PRPF18: variants seen among roughly 807,000 people sequenced by gnomAD.
PRPF18 encodes pre-mRNA processing factor 18.
PRPF18 carries 38 observed loss-of-function variants against 46.5 expected under a neutral mutation model. The observed-to-expected ratio is 0.82, with a 90% CI of 0.63 to 1.07. The LOEUF is 1.07. Among genes scored for constraint, PRPF18 ranks in the 50% least tolerant of loss-of-function variants. The pLI is 0.00. For synonymous variants in PRPF18, 152 were observed against 146.7 expected (o/e 1.04, Z -0.26); for missense variants, 263 against 410.0 (o/e 0.64, Z 3.10).
intron 9 of PRPF18, among the ~76,000 whole-genome samples, chr10:13,618,132 A>G (rs888459775): frequency 1.3e-5 from 2 of 152,196 alleles, no homozygotes; most frequent in African/African-American, 4.8e-5. Context: ...GGATGGGTTT[A>G]TCAGGTTTGC....
At chr10:13,654,738 C>G in the PRPF18 span, 2 of 568,020 alleles carry the variant, frequency 3.5e-6, no homozygotes, top group Non-Finnish European at 6.2e-6. Context: ...ATTCCATTTT[C>G]TACCCACTAC....
chr10:13,598,583 A>T (rs1050902123), intron 2 of PRPF18, among the ~76,000 whole-genome samples: 28 of 152,346 alleles, frequency 1.8e-4, no homozygotes, highest in East Asian at 3.9e-4. Context: ...AAAAAATTTT[A>T]AAATGTAATT....
chr10:13,596,993 G>C (rs1272439757), intron 1 of PRPF18, among the ~76,000 whole-genome samples: 2 of 152,104 alleles, frequency 1.3e-5, no homozygotes, highest in East Asian at 3.8e-4. Flanking sequence ...CAGGTAACAA[G>C]AAAGAACTTA....
chr10:13,587,338 A>G, intron 1 of PRPF18, 186 bp downstream of exon 1: 1 of 652,086 alleles, frequency 1.5e-6, no homozygotes. Context: ...AGGCTGGAGA[A>G]TAGGGTCTGA....
intron 3 of PRPF18, among the ~76,000 whole-genome samples, chr10:13,603,371 T>C (rs1388125722): frequency 6.6e-6 from 1 of 152,190 alleles, no homozygotes; most frequent in African/African-American, 2.4e-5. Flanking sequence ...ATTCTTGCAC[T>C]AAAAGAAATT....
intron 5 of PRPF18, among the ~76,000 whole-genome samples, chr10:13,611,326 T>C (rs545080293): frequency 2.0e-5 from 3 of 152,178 alleles, no homozygotes; most frequent in African/African-American, 4.8e-5. Flanking sequence ...CACATGGTGG[T>C]GCAACCATTA....
At position 13,605,857 on chromosome 10, in the gene PRPF18, T is replaced by C; in HGVS notation, c.363+113T>C. On this transcript the variant is annotated intron_variant, in intron 4 of 9. Transcript: ENST00000378572. ...ATGGAAAAGTAAAGTGAGCAGATTATTGCTGCTGAATGGAAGTTTTCATTA... is the reference window on the plus strand; with the variant it reads ...ATGGAAAAGTAAAGTGAGCAGATTACTGCTGCTGAATGGAAGTTTTCATTA... 2.2e-6 allele frequency: 3 copies of C among 1,346,522 alleles called. No homozygotes were observed. In the South Asian group the frequency reaches 6.1e-5, roughly 27 times the overall value. The allele number at this position is 1,346,522 out of a possible 1,614,324, so 83.4% of individuals were successfully genotyped here.
chr10:13,631,944 C>T (rs1205574283), downstream of PRPF18: 1 of 152,388 alleles, frequency 6.6e-6, no homozygotes, highest in African/African-American at 2.4e-5. Context: ...AGGATCGTTT[C>T]TGATGGTTAT....
intron 9 of PRPF18, among the ~76,000 whole-genome samples, chr10:13,621,772 G>T (rs2133928147): frequency 6.6e-6 from 1 of 152,218 alleles, no homozygotes; most frequent in East Asian, 1.9e-4. Context: ...TATTACAAAA[G>T]GTAAATATCC....
At position 13,592,178 on chromosome 10, in the gene PRPF18, G is replaced by A. The variant is rs893496832; in HGVS notation, c.66+5026G>A. The stretch of plus-strand genomic sequence containing the variant: ...AATACCTGCCAATTCCTCTGACAAG[G>A]ACAGGGTTGTGCTGCAATGGGGCTT... On this transcript the variant is annotated intron_variant, in intron 1 of 9. Transcript: ENST00000378572. 2.4e-5 allele frequency: 15 copies of A among 622,928 alleles called. No individual in the cohort carries two copies. The Admixed American group carries it at 2.7e-4, about 11-fold the overall frequency. 38.6% of individuals were successfully genotyped at this position (622,928 alleles called of 1,614,324 possible). A position where few individuals can be genotyped will look rare whatever the true frequency, so the allele number is the denominator to read the frequency against.
At chr10:13,597,777 G>C in intron 2 of PRPF18, 2 of 872,808 alleles carry the variant, frequency 2.3e-6, no homozygotes, top group Non-Finnish European at 3.4e-6. Context: ...GGCATGAAGT[G>C]GCTTGAGATC....
chr10:13,648,615 C>T, the PRPF18 span: 2 of 152,158 alleles, frequency 1.3e-5, no homozygotes, highest in African/African-American at 4.8e-5. Flanking sequence ...TCATTTCCTC[C>T]TGAGAACTAG....
intron 1 of PRPF18, 64 bp downstream of exon 1, chr10:13,587,216 G>T: frequency 6.6e-7 from 1 of 1,518,874 alleles, no homozygotes. Flanking sequence ...CGGGGTTTTG[G>T]GGTGAGGGTG....
chr10:13,641,097 C>A, the PRPF18 span: 1 of 152,256 alleles, frequency 6.6e-6, no homozygotes, highest in Admixed American at 6.5e-5. Flanking sequence ...CTTCCACTAT[C>A]CTGCTTTCTT....
chr10:13,651,775 T>C, the PRPF18 span: 1 of 660,384 alleles, frequency 1.5e-6, no homozygotes, highest in Non-Finnish European at 2.8e-6. Flanking sequence ...CAGTTCCCCA[T>C]GTATCTAGAA....
intron 1 of PRPF18, among the ~76,000 whole-genome samples, chr10:13,597,066 T>C (rs759035000): frequency 1.2e-4 from 18 of 152,202 alleles, no homozygotes; most frequent in Non-Finnish European, 2.2e-4. Context: ...CATAATTTTG[T>C]TTCTGTTAGG....
intron 9 of PRPF18, among the ~76,000 whole-genome samples, chr10:13,618,987 G>A (rs1054604486): frequency 6.6e-6 from 1 of 152,218 alleles, no homozygotes; most frequent in Non-Finnish European, 1.5e-5. Context: ...GGAGGTCAGG[G>A]GGATGGTTTC....
chr10:13,617,747 T>A (rs944818878), intron 9 of PRPF18, among the ~76,000 whole-genome samples: 20 of 152,210 alleles, frequency 1.3e-4, no homozygotes, highest in Non-Finnish European at 1.9e-4. Context: ...TAAGTATACC[T>A]AGCATTTATT....
intron 1 of PRPF18, among the ~76,000 whole-genome samples, chr10:13,593,423 C>A (rs1004663391): frequency 3.0e-4 from 46 of 152,138 alleles, no homozygotes; most frequent in Non-Finnish European, 2.9e-5. Context: ...TTATTTATGA[C>A]CCCAAGGAGG....
Sources: gnomAD v4.1 joint callset for allele counts (sites outside exome capture counted in the v4.1 genomes callset) on GRCh38, gnomAD v4.1.1 for gene constraint, MANE v1.5 for transcripts, NCBI Gene and HGNC (gene_info 2026-07-23, HGNC 2026-07-21) for gene names.